Variants in NKAIN3 observed in about 807,000 individuals in gnomAD.
NKAIN3 encodes sodium/potassium-transporting ATPase subunit beta-1-interacting protein 3.
Under a neutral mutation model 30.2 loss-of-function variants are expected in NKAIN3, and 25 were observed. The observed-to-expected ratio is 0.83, with a 90% CI of 0.60 to 1.16. NKAIN3 has a LOEUF of 1.16. NKAIN3 is among the 50% of genes most tolerant of loss of function. The pLI is 0.00. For synonymous variants in NKAIN3, 91 were observed against 89.6 expected (o/e 1.02, Z -0.09); for missense variants, 225 against 254.1 (o/e 0.89, Z 0.78).
chr8:62,589,449 T>C (rs1247107697), intron 2 of NKAIN3, among the ~76,000 whole-genome samples: 1 of 151,744 alleles, frequency 6.6e-6, no homozygotes, highest in Non-Finnish European at 1.5e-5. Flanking sequence ...ATCAACACTT[T>C]GGTTTAACTT....
At chr8:62,787,614 G>T (rs565654074) in intron 4 of NKAIN3, among the ~76,000 whole-genome samples, 2 of 152,038 alleles carry the variant, frequency 1.3e-5, no homozygotes, top group African/African-American at 4.8e-5. Context: ...GTGCCATGTT[G>T]GTGTGCTGCA....
At chr8:62,943,587 G>A (rs1823032340) in intron 5 of NKAIN3, among the ~76,000 whole-genome samples, 1 of 152,042 alleles carries the variant, frequency 6.6e-6, no homozygotes, top group African/African-American at 2.4e-5. Flanking sequence ...ACTTGCACGT[G>A]CATGTTTATA....
intron 3 of NKAIN3, among the ~76,000 whole-genome samples, chr8:62,731,234 GACACACACACACACACACAC>G (rs67571816): frequency 7.0e-6 from 1 of 143,648 alleles, no homozygotes; most frequent in Non-Finnish European, 1.5e-5. Flanking sequence ...GGGATCACAG[GACACACACACACACACACAC>G]ACACACACAC....
At chr8:62,957,944 G>C (rs1453676513) in intron 6 of NKAIN3, among the ~76,000 whole-genome samples, 1 of 152,186 alleles carries the variant, frequency 6.6e-6, no homozygotes, top group African/African-American at 2.4e-5. Flanking sequence ...AAAAGGCTGT[G>C]TGAGGGCAGG....
chr8:62,839,745 A>G (rs1000950920), intron 4 of NKAIN3, among the ~76,000 whole-genome samples: 1 of 151,976 alleles, frequency 6.6e-6, no homozygotes, highest in African/African-American at 2.4e-5. Context: ...CCTCCTGAGT[A>G]GCTGGTACTA....
intron 1 of NKAIN3, among the ~76,000 whole-genome samples, chr8:62,408,647 T>C (rs897210121): frequency 6.6e-6 from 1 of 152,202 alleles, no homozygotes; most frequent in African/African-American, 2.4e-5. Flanking sequence ...AGTAGGTTTT[T>C]CTACAATGTT....
intron 3 of NKAIN3, among the ~76,000 whole-genome samples, chr8:62,700,555 G>C (rs1031883671): frequency 6.6e-6 from 1 of 152,166 alleles, no homozygotes; most frequent in East Asian, 1.9e-4. Flanking sequence ...AATTCAATAA[G>C]TATGGTCAAT....
At position 62,364,501 on chromosome 8, in the gene NKAIN3, G is replaced by A. The variant is rs73259209; in HGVS notation, c.54+115374G>A. ...GCTTCTCTTTCATGGAGCTTCAAAA[G>A]TCATTACAAGAAATTCTACTCCTTT... On this transcript the variant is annotated intron_variant, in intron 1 of 6. Transcript: ENST00000623646. 2.1e-3 allele frequency among the ~76,000 whole-genome samples: 319 copies of A among 152,102 alleles called. 2 individuals are homozygous for A. The highest frequency in any genetic ancestry group is 7.4e-3 in the African/African-American group (305 of 41,488).
intron 4 of NKAIN3, among the ~76,000 whole-genome samples, chr8:62,870,084 T>C (rs72655013): frequency 0.29 from 43,383 of 150,904 alleles, 6,531 homozygotes; most frequent in African/African-American, 0.35. Flanking sequence ...CCCCCTTTCT[T>C]TGAGGCTTTT....
chr8:62,757,695 A>G (rs1816500840), intron 4 of NKAIN3, among the ~76,000 whole-genome samples: 1 of 152,214 alleles, frequency 6.6e-6, no homozygotes, highest in Non-Finnish European at 1.5e-5. Flanking sequence ...GGAATTCTAT[A>G]CAGAAGGAAC....
chr8:62,787,497 C>G (rs1376385139), intron 4 of NKAIN3, among the ~76,000 whole-genome samples: 1 of 152,038 alleles, frequency 6.6e-6, no homozygotes, highest in Non-Finnish European at 1.5e-5. Context: ...AAGAGGAAAA[C>G]TCAGTTAATA....
chr8:62,412,399 C>G (rs905746660), intron 1 of NKAIN3, among the ~76,000 whole-genome samples: 2 of 151,882 alleles, frequency 1.3e-5, no homozygotes, highest in Non-Finnish European at 2.9e-5. Context: ...AAGATTGAAG[C>G]TGGACCCCTA....
chr8:62,921,007 G>C lies in NKAIN3; in HGVS notation c.532+2494G>C, dbSNP rs1025570074. On this transcript the variant is annotated intron_variant, in intron 5 of 6. Coordinates refer to ENST00000623646, the MANE Select transcript of NKAIN3 (RefSeq NM_001304533.3). Reference sequence around the variant, plus strand: ...CAGGGTCTTCAGAAGGCAGATGTGAGCAAAAAGTAATGTCTGAAGCCAATT... The same window carrying C: ...CAGGGTCTTCAGAAGGCAGATGTGACCAAAAAGTAATGTCTGAAGCCAATT... Among the ~76,000 whole-genome samples the C allele has an allele frequency of 4.6e-5, 7 of 152,126 alleles. No homozygotes were observed. The East Asian group carries it at 1.3e-3, about 29-fold the overall frequency.
chr8:62,956,959 A>T (rs1425518925), intron 6 of NKAIN3, among the ~76,000 whole-genome samples: 4 of 152,246 alleles, frequency 2.6e-5, no homozygotes, highest in Non-Finnish European at 5.9e-5. Flanking sequence ...CTTTGAAAAG[A>T]TGACACAATT....
At chr8:62,448,099 AATTG>A (rs1162170664) in intron 1 of NKAIN3, among the ~76,000 whole-genome samples, 1 of 151,934 alleles carries the variant, frequency 6.6e-6, no homozygotes, top group African/African-American at 2.4e-5. Flanking sequence ...ATAATGAACA[AATTG>A]ATTGTTTTAT....
At chr8:62,486,128 G>A (rs555329084) in intron 1 of NKAIN3, among the ~76,000 whole-genome samples, 1 of 152,210 alleles carries the variant, frequency 6.6e-6, no homozygotes, top group African/African-American at 2.4e-5. Flanking sequence ...AAGAGAGAAC[G>A]CTGAGGACAG....
At chr8:62,471,358 C>T (rs979735226) in intron 1 of NKAIN3, among the ~76,000 whole-genome samples, 6 of 151,524 alleles carry the variant, frequency 4.0e-5, no homozygotes, top group African/African-American at 1.5e-4. Flanking sequence ...CTGTTTGATC[C>T]TGGTGATGAT....
chr8:62,957,059 A>G (rs1463377302), intron 6 of NKAIN3, among the ~76,000 whole-genome samples: 3 of 152,234 alleles, frequency 2.0e-5, no homozygotes, highest in Non-Finnish European at 4.4e-5. Flanking sequence ...AGATCTAGCA[A>G]TCGAGCTCCT....
At chr8:62,403,099 G>T (rs547319467) in intron 1 of NKAIN3, among the ~76,000 whole-genome samples, 1 of 152,196 alleles carries the variant, frequency 6.6e-6, no homozygotes, top group Non-Finnish European at 1.5e-5. Flanking sequence ...TGGAGTAAAA[G>T]TCACTCTTGC....
Sources: allele counts gnomAD v4.1 joint callset (sites outside exome capture counted in the v4.1 genomes callset), GRCh38; gene constraint gnomAD v4.1.1; transcripts MANE v1.5; gene names NCBI Gene and HGNC (gene_info 2026-07-23, HGNC 2026-07-21).